ZNF276: variants seen among roughly 807,000 people sequenced by gnomAD.
ZNF276 encodes zinc finger protein 276, also known as centromere protein Z.
ZNF276 carries 59 observed loss-of-function variants against 63.9 expected under a neutral mutation model. The observed-to-expected ratio is 0.92, with a 90% confidence interval of 0.75 to 1.15. The LOEUF is 1.15. ZNF276 is among the 50% of genes most tolerant of loss of function. The probability of loss-of-function intolerance (pLI) is 0.00; values close to 1 mark genes in which losing one functional copy is unlikely to be tolerated. For missense variants in ZNF276, 1,084 were observed against 843.8 expected (o/e 1.28, Z -3.53); for synonymous variants, 496 against 348.4 (o/e 1.42, Z -4.72).
chr16:89,739,160 A>C lies in ZNF276; in HGVS notation c.*914A>C. ...GACCCTTGAGCTCCAGGCTCCTGCCAGCTGGAGGTGAAACTGTGCTTGTAT... is the reference window on the plus strand; with the variant it reads ...GACCCTTGAGCTCCAGGCTCCTGCCCGCTGGAGGTGAAACTGTGCTTGTAT... On this transcript the variant is annotated 3_prime_UTR_variant, in exon 11 of 11. Transcript: ENST00000443381. 1 of 1,614,162 alleles carries C rather than the reference A, an allele frequency of 6.2e-7. No individual in the cohort carries two copies. The highest frequency in any genetic ancestry group is 8.5e-7 in the Non-Finnish European group (1 of 1,180,040).
At chr16:89,721,407 G>A (rs1180893126), upstream of ZNF276, 2 of 397,840 alleles carry the variant, frequency 5.0e-6, no homozygotes, top group Non-Finnish European at 8.9e-6. Flanking sequence ...GGCCGCCCTC[G>A]GGCCCGAGAG....
Position 89,737,909 on chromosome 16 carries a change from AGT to A in ZNF276, c.1574+8_1574+9del. 1 of 1,587,154 alleles carries A rather than the reference AGT, an allele frequency of 6.3e-7. No homozygotes were observed. Among genetic ancestry groups the A allele is most frequent in the South Asian group, 1.1e-5 (1 of 89,762 alleles). On this transcript the variant is annotated splice_donor_5th_base_variant and intron_variant, in intron 10 of 10. Coordinates refer to ENST00000443381, the MANE Select transcript of ZNF276 (RefSeq NM_001113525.2). ...ATTCGGGAGCCAAGCCTTTGCAGTAAGTGTGAGTCAGGACCCCCTCCCAGGGC... is the reference window on the plus strand; with the variant it reads ...ATTCGGGAGCCAAGCCTTTGCAGTAAGTGAGTCAGGACCCCCTCCCAGGGC...
upstream of ZNF276, chr16:89,720,917 G>T: frequency 7.9e-7 from 1 of 1,261,222 alleles, no homozygotes; most frequent in Non-Finnish European, 1.0e-6. Flanking sequence ...GGCGACCGGA[G>T]GCCCGGAACG....
At chr16:89,723,238 C>T in intron 3 of ZNF276, 22 bp from the exon 4 acceptor site, 2 of 1,613,300 alleles carry the variant, frequency 1.2e-6, no homozygotes, top group Non-Finnish European at 1.7e-6. Context: ...GTGGATCTGA[C>T]ATCTCTGTTG....
At position 89,739,367 on chromosome 16, in the gene ZNF276, CTG is replaced by C. The variant is rs2062062962; in HGVS notation, c.*1124_*1125del. 6.9e-6 allele frequency: 11 copies of C among 1,597,536 alleles called. No individual in the cohort carries two copies. The South Asian group carries it at 7.8e-5, about 11-fold the overall frequency. ...GGTGATGCCAAGGGATACTGCTCAT[CTG>C]TGGAGCAGAGGCACAGACAACCCTT... On this transcript the variant is annotated 3_prime_UTR_variant, in exon 11 of 11. Transcript: ENST00000443381.
In ZNF276 at chr16:89,740,680, C is replaced by T. The variant is rs552947968; in HGVS notation, c.*2434C>T. Reference sequence around the variant, plus strand: ...CCCACGGCCTGGGAGTTCTCACTCACACTTCCGCAAACACAAGGAGCTCCT... The same window carrying T: ...CCCACGGCCTGGGAGTTCTCACTCATACTTCCGCAAACACAAGGAGCTCCT... On this transcript the variant is annotated 3_prime_UTR_variant, in exon 11 of 11. Coordinates refer to ENST00000443381, the MANE Select transcript of ZNF276 (RefSeq NM_001113525.2). The T allele has an allele frequency of 1.1e-3, 783 of 734,190 alleles. No individual in the cohort carries two copies. The highest frequency in any genetic ancestry group is 1.7e-3 in the Non-Finnish European group (697 of 421,784). 45.5% of individuals were successfully genotyped at this position (734,190 alleles called of 1,614,324 possible).
rs566927763 is a variant in ZNF276 at position 89,738,941 on chromosome 16, G to A, written c.*695G>A. On this transcript the variant is annotated 3_prime_UTR_variant, in exon 11 of 11. Transcript: ENST00000443381. ...CGAGGTATTAACTGCAGCAGAAAAA[G>A]ACGAGCTTTTGTTATCAGTTCCACG... The A allele has an allele frequency of 6.2e-7, 1 of 1,614,250 alleles. No individual in the cohort carries two copies. The highest frequency in any genetic ancestry group is 8.5e-7 in the Non-Finnish European group (1 of 1,180,050).
In ZNF276 at chr16:89,727,355, G is replaced by T. The variant is rs372979508; in HGVS notation, c.1083G>T (p.Glu361Asp). Reference sequence around the variant, plus strand: ...AAGACGAGTTCAGTGACCTTTCTGAGGGGTGAGAGAAGAGTGGGTTTAAAC... The same window carrying T: ...AAGACGAGTTCAGTGACCTTTCTGATGGGTGAGAGAAGAGTGGGTTTAAAC... The part of the protein sequence containing the change: ...RVKDEFSDLS[E>D]GDVLSEDEND... Residue 361 changes from glutamate (E) to aspartate (D), a missense_variant and splice_region_variant, in exon 5 of 11, where the codon GAG becomes GAT. Transcript: ENST00000443381. 8 of 1,613,882 alleles carry T rather than the reference G, an allele frequency of 5.0e-6. No individual in the cohort carries two copies. The highest frequency in any genetic ancestry group is 2.2e-5 in the East Asian group (1 of 44,886).
intron 6 of ZNF276, among the ~76,000 whole-genome samples, chr16:89,730,852 C>T (rs1381812728): frequency 3.3e-5 from 5 of 152,294 alleles, no homozygotes; most frequent in South Asian, 2.1e-4. Flanking sequence ...TTCTAGCGGG[C>T]GTGCCCGCCT....
At position 89,739,518 on chromosome 16, in the gene ZNF276, G is replaced by C; in HGVS notation, c.*1272G>C. 6.4e-7 allele frequency: 1 copy of C among 1,551,384 alleles called. No homozygotes were observed. Among genetic ancestry groups the C allele is most frequent in the Non-Finnish European group, 8.7e-7 (1 of 1,147,114 alleles). On this transcript the variant is annotated 3_prime_UTR_variant, in exon 11 of 11. Coordinates refer to ENST00000443381, the MANE Select transcript of ZNF276 (RefSeq NM_001113525.2). ...GGCAGCAGCCTGGTGTGCTGATCCG[G>C]GGCCACACGGAGGAGGAGCCGCCCC...
chr16:89,735,544 G>GT (rs2061829953), intron 9 of ZNF276, among the ~76,000 whole-genome samples: 1 of 151,858 alleles, frequency 6.6e-6, no homozygotes, highest in Admixed American at 6.6e-5. Flanking sequence ...GCATCTGTCC[G>GT]GTCACTGATG....
In ZNF276 at chr16:89,738,072, C is replaced by A; in HGVS notation, c.1671C>A (p.Asp557Glu). The change falls in exon 11 of 11, where the codon GAC (aspartate) becomes GAA (glutamate). Residue 557 changes from aspartate to glutamate, a missense_variant. Transcript: ENST00000443381. ...KAETELDFAC[D>E]QCGRRFEKAH... ...AGACTGAGCTGGACTTTGCCTGTGA[C>A]CAGTGTGGCCGGCGGTTTGAGAAGG... The A allele has an allele frequency of 6.2e-7, 1 of 1,614,104 alleles. No individual in the cohort carries two copies. Among genetic ancestry groups the A allele is most frequent in the East Asian group, 2.2e-5 (1 of 44,876 alleles).
chr16:89,732,752 G>C (rs2061700900), intron 6 of ZNF276: 2 of 185,268 alleles, frequency 1.1e-5, no homozygotes, highest in African/African-American at 2.7e-5. Context: ...GCTGTACCAT[G>C]CCCTCGCCCT....
At chr16:89,724,888 C>A (rs1056770132) in intron 4 of ZNF276, among the ~76,000 whole-genome samples, 4 of 152,168 alleles carry the variant, frequency 2.6e-5, no homozygotes, top group South Asian at 2.1e-4. Flanking sequence ...ATCTGTATAT[C>A]TATGTATCTA....
Position 89,733,382 on chromosome 16 carries a change from C to G in ZNF276, c.1250C>G (p.Pro417Arg), listed in dbSNP as rs2061739277. The change falls in exon 7 of 11, where the codon CCC (proline) becomes CGC (arginine). Residue 417 changes from proline to arginine, a missense_variant. Transcript: ENST00000443381. ...ATTCGGAAGAAGCCGGGACCCAAGC[C>G]CGGATGGAAGAAGAAGCTTCGTTGT... ...PRIRKKPGPKPGWKKKLRCER... is the reference protein window; with the variant it reads ...PRIRKKPGPKRGWKKKLRCER... The G allele has an allele frequency of 6.2e-7, 1 of 1,614,004 alleles. No homozygotes were observed. Among genetic ancestry groups the G allele is most frequent in the Admixed American group, 1.7e-5 (1 of 60,004 alleles).
At chr16:89,724,657 A>G (rs148778445) in intron 4 of ZNF276, among the ~76,000 whole-genome samples, 122 of 152,278 alleles carry the variant, frequency 8.0e-4, no homozygotes, top group Non-Finnish European at 1.6e-3. Context: ...AAACAGAAAC[A>G]CAGCTACCCA....
upstream of ZNF276, chr16:89,720,605 C>T (rs901456783): frequency 3.3e-6 from 4 of 1,229,646 alleles, no homozygotes; most frequent in Non-Finnish European, 4.1e-6. Flanking sequence ...CCGGCTGCGC[C>T]CCGCCCCCGT....
Position 89,739,614 on chromosome 16 carries a change from G to A in ZNF276, c.*1368G>A, listed in dbSNP as rs1285019479. On this transcript the variant is annotated 3_prime_UTR_variant, in exon 11 of 11. Coordinates refer to ENST00000443381, the MANE Select transcript of ZNF276 (RefSeq NM_001113525.2). ...CATCTCTGCCTATTATCAGTGCTGG[G>A]GACACCCCTGGGGGTCGGGACGTGT... The A allele has an allele frequency of 1.9e-5, 29 of 1,533,462 alleles. No individual in the cohort carries two copies. Among genetic ancestry groups the A allele is most frequent in the South Asian group, 8.4e-5 (7 of 83,746 alleles). 95.0% of individuals were successfully genotyped at this position (1,533,462 alleles called of 1,614,324 possible).
At chr16:89,721,931 G>A in intron 1 of ZNF276, 86 bp downstream of exon 1, 2 of 971,702 alleles carry the variant, frequency 2.1e-6, no homozygotes, top group Non-Finnish European at 2.6e-6. Flanking sequence ...GGAAGCCGGC[G>A]CGGCCTCTCC....
Sources: allele counts gnomAD v4.1 joint callset (sites outside exome capture counted in the v4.1 genomes callset), GRCh38; gene constraint gnomAD v4.1.1; transcripts MANE v1.5; gene names NCBI Gene and HGNC (gene_info 2026-07-23, HGNC 2026-07-21).